Variants in GNB1 observed in about 807,000 individuals in gnomAD.
The protein encoded by GNB1 is guanine nucleotide-binding protein G(I)/G(S)/G(T) subunit beta-1.
A neutral mutation model predicts 42.9 loss-of-function variants in GNB1; 2 were observed. The ratio of observed to expected loss-of-function variants is 0.05; its 90% CI spans 0.02 to 0.15. The LOEUF (loss-of-function observed/expected upper bound fraction) is 0.15. Among genes scored for constraint, GNB1 ranks in the 10% least tolerant of loss-of-function variants. GNB1 has a pLI of 1.00. For synonymous variants in GNB1, 183 were observed against 174.7 expected (o/e 1.05, Z -0.38); for missense variants, 193 against 462.2 (o/e 0.42, Z 5.34).
At chr1:1,791,967 GCCCATGTCTCGGTGAA>G (rs1490971127) in intron 8 of GNB1, among the ~76,000 whole-genome samples, 4 of 151,824 alleles carry the variant, frequency 2.6e-5, no homozygotes, top group Non-Finnish European at 5.9e-5. Flanking sequence ...TTGGTTAAGG[GCCCATGTCTCGGTGAA>G]CCCCACCAAC....
At chr1:1,858,555 G>A (rs1311369451) in intron 1 of GNB1, among the ~76,000 whole-genome samples, 1 of 152,118 alleles carries the variant, frequency 6.6e-6, no homozygotes, top group East Asian at 1.9e-4. Context: ...TACTTCCAGA[G>A]GGTGGGTCCC....
rs1166864874 is a variant in GNB1, at chr1:1,853,873, C to T, written c.-95-14635G>A. ...AAATATTTACTTGGGAGTCTGAGTA[C>T]ATATATAGTCATATTATATAACAAC... On this transcript the variant is annotated intron_variant, in intron 1 of 11. Transcript: ENST00000378609. 4.6e-5 allele frequency among the ~76,000 whole-genome samples: 7 copies of T among 152,166 alleles called. No individual in the cohort carries two copies. In the East Asian group the frequency reaches 1.4e-3, roughly 29 times the overall value.
chr1:1,840,477 G>A (rs1176304713), intron 1 of GNB1, among the ~76,000 whole-genome samples: 3 of 152,328 alleles, frequency 2.0e-5, no homozygotes, highest in Middle Eastern at 3.4e-3. Context: ...GCAGTGAGCC[G>A]AGATCGTGCC....
intron 7 of GNB1, 158 bp downstream of exon 7, chr1:1,804,261 C>G: frequency 5.6e-6 from 3 of 531,562 alleles, no homozygotes; most frequent in South Asian, 2.2e-5. Context: ...ATCACGCCAC[C>G]GCACTCCAGC....
intron 2 of GNB1, chr1:1,832,216 T>A (rs1647086294): frequency 6.6e-6 from 1 of 152,168 alleles, no homozygotes; most frequent in African/African-American, 2.4e-5. Context: ...ATGTAAATTT[T>A]AAAAGTCTTA....
intron 1 of GNB1, among the ~76,000 whole-genome samples, chr1:1,865,548 C>T (rs1162631826): frequency 1.6e-4 from 25 of 151,616 alleles, no homozygotes; most frequent in South Asian, 2.1e-4. Context: ...ATTGTGCCAC[C>T]GCACTCCAAC....
chr1:1,804,593 A>C lies in GNB1; in HGVS notation c.268-12T>G. 1 of 1,551,018 alleles carries C rather than the reference A, an allele frequency of 6.4e-7. No individual in the cohort carries two copies. Among genetic ancestry groups the C allele is most frequent in the Non-Finnish European group, 8.7e-7 (1 of 1,147,060 alleles). The stretch of plus-strand genomic sequence containing the variant: ...GGGATGGCGTGGACCTAATGACAGA[A>C]AGACAGATGATGCAAACAACTTTAT... On this transcript the variant is annotated splice_polypyrimidine_tract_variant and intron_variant, in intron 6 of 11. Transcript: ENST00000378609.
chr1:1,884,663 T>C (rs1248697914), intron 1 of GNB1, among the ~76,000 whole-genome samples: 2 of 152,050 alleles, frequency 1.3e-5, no homozygotes, highest in African/African-American at 2.4e-5. Flanking sequence ...TACATTCCAC[T>C]GATGCCCTTA....
intron 1 of GNB1, among the ~76,000 whole-genome samples, chr1:1,865,243 C>A (rs1648862136): frequency 7.2e-6 from 1 of 139,092 alleles, no homozygotes; most frequent in Non-Finnish European, 1.5e-5. Flanking sequence ...GCCTGGGTGA[C>A]AGAGTGAGAC....
chr1:1,857,534 AG>A (rs1016525028), intron 1 of GNB1, among the ~76,000 whole-genome samples: 5 of 152,122 alleles, frequency 3.3e-5, no homozygotes, highest in African/African-American at 1.2e-4. Context: ...GGAACTGGGG[AG>A]GATACAGCAA....
intron 1 of GNB1, among the ~76,000 whole-genome samples, chr1:1,869,250 A>C (rs1649119360): frequency 6.6e-6 from 1 of 151,844 alleles, no homozygotes; most frequent in Non-Finnish European, 1.5e-5. Flanking sequence ...ACTTACAAAG[A>C]CCAGAGGCTC....
chr1:1,814,797 C>CAAAAAAAAAA (rs66588627), intron 5 of GNB1, among the ~76,000 whole-genome samples: 72 of 77,410 alleles, frequency 9.3e-4, no homozygotes, highest in African/African-American at 2.2e-3. Context: ...GACCCTGTCT[C>CAAAAAAAAAA]AAAAAAAAAA....
intron 7 of GNB1, among the ~76,000 whole-genome samples, chr1:1,800,637 C>T (rs1458371673): frequency 2.6e-5 from 4 of 151,788 alleles, no homozygotes; most frequent in East Asian, 3.9e-4. Flanking sequence ...CTAAAACTTC[C>T]CAAATTTGGT....
chr1:1,860,565 A>G (rs917404962), intron 1 of GNB1, among the ~76,000 whole-genome samples: 3 of 151,418 alleles, frequency 2.0e-5, no homozygotes, highest in African/African-American at 7.3e-5. Flanking sequence ...TCAACCTTGG[A>G]GGCGGAGCTT....
At chr1:1,794,760 G>A (rs530829688) in intron 7 of GNB1, among the ~76,000 whole-genome samples, 3 of 152,156 alleles carry the variant, frequency 2.0e-5, no homozygotes, top group African/African-American at 4.8e-5. Flanking sequence ...ATGTGATCTC[G>A]GCTCACCGCA....
chr1:1,791,957 T>C (rs1646486657), intron 8 of GNB1, among the ~76,000 whole-genome samples: 1 of 151,960 alleles, frequency 6.6e-6, no homozygotes, highest in Non-Finnish European at 1.5e-5. Flanking sequence ...TGCTGACAAG[T>C]TGGTTAAGGG....
chr1:1,838,332 C>T (rs1038632733), intron 2 of GNB1, among the ~76,000 whole-genome samples: 1 of 152,176 alleles, frequency 6.6e-6, no homozygotes, highest in African/African-American at 2.4e-5. Context: ...ATGTACCCTC[C>T]TCACCCAGAC....
intron 5 of GNB1, among the ~76,000 whole-genome samples, chr1:1,811,079 A>G (rs1199945087): frequency 3.2e-5 from 1 of 31,138 alleles, no homozygotes; most frequent in Non-Finnish European, 9.9e-5. Flanking sequence ...ACATATATAT[A>G]TATTTTTTTT....
chr1:1,792,326 TATC>T (rs1430991682), intron 8 of GNB1, among the ~76,000 whole-genome samples: 1 of 152,052 alleles, frequency 6.6e-6, no homozygotes, highest in Non-Finnish European at 1.5e-5. Context: ...TACTCCCACC[TATC>T]ATCACCTAAG....
Sources: allele counts gnomAD v4.1 joint callset (sites outside exome capture counted in the v4.1 genomes callset), GRCh38; gene constraint gnomAD v4.1.1; transcripts MANE v1.5; gene names NCBI Gene and HGNC (gene_info 2026-07-23, HGNC 2026-07-21).